LARGE1: variants seen among roughly 807,000 people sequenced by gnomAD.
The protein encoded by LARGE1 is LARGE xylosyl- and glucuronyltransferase 1, also known as xylosyl- and glucuronyltransferase LARGE1.
In LARGE1, 43 loss-of-function variants were observed where a neutral mutation model predicts 87.6. The ratio of observed to expected loss-of-function variants is 0.49; its 90% CI spans 0.38 to 0.63. LARGE1 has a LOEUF of 0.63. Among genes scored for constraint, LARGE1 ranks in the 30% least tolerant of loss-of-function variants. The probability of loss-of-function intolerance (pLI) is 0.00; values close to 1 mark genes in which losing one functional copy is unlikely to be tolerated. For synonymous variants in LARGE1, 434 were observed against 394.6 expected (o/e 1.10, Z -1.18); for missense variants, 802 against 1,000.2 (o/e 0.80, Z 2.67).
chr22:33,806,426 C>A (rs902389405), intron 1 of LARGE1, among the ~76,000 whole-genome samples: 13 of 152,144 alleles, frequency 8.5e-5, no homozygotes, highest in Non-Finnish European at 1.9e-4. Context: ...CATTTTCCAG[C>A]CCCAGTGTTT....
At chr22:33,579,999 T>C (rs916520941) in intron 5 of LARGE1, among the ~76,000 whole-genome samples, 1 of 152,240 alleles carries the variant, frequency 6.6e-6, no homozygotes, top group Admixed American at 6.5e-5. Context: ...CATGGAATGA[T>C]GGCACGAGCA....
chr22:33,835,284 G>A (rs981307151), intron 1 of LARGE1, among the ~76,000 whole-genome samples: 2 of 152,160 alleles, frequency 1.3e-5, no homozygotes, highest in African/African-American at 4.8e-5. Flanking sequence ...CTACACTTTG[G>A]AGTCTGTAAA....
chr22:33,387,528 G>GGGT (rs918287192), intron 7 of LARGE1, among the ~76,000 whole-genome samples: 1 of 145,112 alleles, frequency 6.9e-6, no homozygotes, highest in Non-Finnish European at 1.5e-5. Flanking sequence ...TAAAAAATGG[G>GGGT]GGGGGGGATG....
chr22:33,509,019 A>G (rs1044719850), intron 6 of LARGE1, among the ~76,000 whole-genome samples: 1 of 152,210 alleles, frequency 6.6e-6, no homozygotes, highest in Non-Finnish European at 1.5e-5. Flanking sequence ...GGTCACAGGT[A>G]TATATTTGCT....
At chr22:33,571,349 G>A (rs1015278220) in intron 5 of LARGE1, among the ~76,000 whole-genome samples, 2 of 152,148 alleles carry the variant, frequency 1.3e-5, no homozygotes, top group Admixed American at 1.3e-4. Flanking sequence ...TGATTCTAGG[G>A]TATATCTGAT....
chr22:33,813,467 A>C (rs574273833), intron 1 of LARGE1, among the ~76,000 whole-genome samples: 1 of 152,180 alleles, frequency 6.6e-6, no homozygotes, highest in African/African-American at 2.4e-5. Context: ...GATGTGTCTG[A>C]CATCTGGGAT....
intron 1 of LARGE1, among the ~76,000 whole-genome samples, chr22:33,880,975 C>T (rs73154553): frequency 3.3e-5 from 5 of 152,150 alleles, no homozygotes; most frequent in African/African-American, 4.8e-5. Flanking sequence ...TTTTAGCCTT[C>T]TGATTGCAAA....
intron 2 of LARGE1, among the ~76,000 whole-genome samples, chr22:33,651,223 T>TAAAAAAAAAAAAAAAAAAAAAAAAAAAA (rs1371688457): frequency 5.8e-5 from 1 of 17,146 alleles, no homozygotes; most frequent in Non-Finnish European, 1.1e-4. Context: ...CTACTAAAAA[T>TAAAAAAAAAAAAAAAAAAAAAAAAAAAA]ACAAAAAAAA....
chr22:33,440,012 C>T (rs2067411782), intron 6 of LARGE1, among the ~76,000 whole-genome samples: 1 of 152,166 alleles, frequency 6.6e-6, no homozygotes, highest in Non-Finnish European at 1.5e-5. Flanking sequence ...TCCTCTCTCT[C>T]TCTCCTGGAT....
intron 6 of LARGE1, among the ~76,000 whole-genome samples, chr22:33,494,696 G>A (rs2070017668): frequency 6.6e-6 from 1 of 152,184 alleles, no homozygotes; most frequent in Non-Finnish European, 1.5e-5. Flanking sequence ...AGAAACATGA[G>A]GTTCTGTGAG....
rs762612242 is a variant in LARGE1 at position 33,604,564 on chromosome 22, G to C, written c.492-6C>G. 33 of 1,613,926 alleles carry C rather than the reference G, an allele frequency of 2.0e-5. No homozygotes were observed. Among genetic ancestry groups the C allele is most frequent in the Middle Eastern group, 1.6e-4 (1 of 6,074 alleles). On this transcript the variant is annotated splice_polypyrimidine_tract_variant and splice_region_variant and intron_variant, in intron 4 of 14. Transcript: ENST00000397394. ...GGAAGTGCAGAGGGTTCCGTCTGTG[G>C]GGAGTGTGAGAAGGAAGGGTCAGGT...
At chr22:33,095,382 T>A in the LARGE1 span, among the ~76,000 whole-genome samples, 137 of 152,312 alleles carry the variant, frequency 9.0e-4, no homozygotes, top group African/African-American at 3.2e-3. Context: ...ATGGCTTTCT[T>A]TCCTGTGTCA....
intron 2 of LARGE1, among the ~76,000 whole-genome samples, chr22:33,720,507 A>G (rs2083063139): frequency 6.6e-6 from 1 of 152,204 alleles, no homozygotes; most frequent in South Asian, 2.1e-4. Flanking sequence ...ATATAACAAC[A>G]AAATTGCCTA....
chr22:33,919,102 G>GAAA lies in LARGE1; in HGVS notation c.-83+890_-83+892dup, dbSNP rs5845124. Reference sequence around the variant, plus strand: ...AACCGAGGCACATCAGCACAGAGACGAAAAAAAAAAAAAAAAAGAGTCCAA... The same window carrying GAAA: ...AACCGAGGCACATCAGCACAGAGACGAAAAAAAAAAAAAAAAAAAAGAGTCCAA... On this transcript the variant is annotated intron_variant, in intron 1 of 14. Transcript: ENST00000397394. Among the ~76,000 whole-genome samples, 401 of 127,332 alleles carry GAAA rather than the reference G, an allele frequency of 3.1e-3. 2 individuals are homozygous for GAAA. The highest frequency in any genetic ancestry group is 6.3e-3 in the African/African-American group (211 of 33,380). The allele number at this position is 127,332 out of a possible 152,430, so 83.5% of individuals were successfully genotyped here.
At chr22:33,862,255 A>T (rs1019620233) in intron 1 of LARGE1, among the ~76,000 whole-genome samples, 3 of 152,166 alleles carry the variant, frequency 2.0e-5, no homozygotes, top group African/African-American at 4.8e-5. Flanking sequence ...GGAAGAAAAC[A>T]TCATGGAAAA....
intron 10 of LARGE1, among the ~76,000 whole-genome samples, chr22:33,335,821 C>T (rs760817743): frequency 5.9e-5 from 9 of 152,204 alleles, no homozygotes; most frequent in African/African-American, 1.7e-4. Flanking sequence ...TCAGACTAAA[C>T]GTCACCTCCT....
chr22:33,653,921 G>C (rs1352034872), intron 2 of LARGE1, among the ~76,000 whole-genome samples: 1 of 152,116 alleles, frequency 6.6e-6, no homozygotes, highest in African/African-American at 2.4e-5. Flanking sequence ...GAACATGGAG[G>C]AGCAAGCAAG....
intron 6 of LARGE1, among the ~76,000 whole-genome samples, chr22:33,432,990 C>T (rs1234647785): frequency 6.6e-6 from 1 of 152,236 alleles, no homozygotes; most frequent in Non-Finnish European, 1.5e-5. Flanking sequence ...ATCTTAGCAA[C>T]TTAGGCAAGT....
chr22:33,725,157 G>A (rs2083231582), intron 2 of LARGE1: 1 of 153,572 alleles, frequency 6.5e-6, no homozygotes. Context: ...CAGGAGGGCA[G>A]GGCTGAGTGG....
Sources: allele counts gnomAD v4.1 joint callset (sites outside exome capture counted in the v4.1 genomes callset), GRCh38; gene constraint gnomAD v4.1.1; transcripts MANE v1.5; gene names NCBI Gene and HGNC (gene_info 2026-07-23, HGNC 2026-07-21).